Variants in ACSF3 observed in about 807,000 individuals in gnomAD.
ACSF3 encodes the protein malonate--CoA ligase ACSF3, mitochondrial.
In ACSF3, 78 loss-of-function variants were observed where a neutral mutation model predicts 53.2. The observed-to-expected ratio is 1.47, with a 90% CI of 1.22 to 1.77. The LOEUF (loss-of-function observed/expected upper bound fraction) is 1.77, where lower values mean the gene tolerates loss of function less well. Ranked by LOEUF, ACSF3 falls within the 40% of genes most tolerant of loss-of-function variation. The pLI is 0.00. For synonymous variants in ACSF3, 414 were observed against 333.1 expected, an observed-to-expected ratio of 1.24 and a Z score of -2.65; for missense variants, 937 against 771.1, an observed-to-expected ratio of 1.22 and a Z score of -2.55.
At chr16:89,132,019 G>A (rs565311810) in intron 7 of ACSF3, among the ~76,000 whole-genome samples, 5 of 152,314 alleles carry the variant, frequency 3.3e-5, no homozygotes, top group Admixed American at 6.5e-5. Flanking sequence ...CGTGGGTGGC[G>A]TCAGCCCCTC....
intron 6 of ACSF3, among the ~76,000 whole-genome samples, chr16:89,117,957 T>C (rs1203207996): frequency 9.1e-6 from 1 of 109,944 alleles, no homozygotes. Flanking sequence ...CACAGTAGGT[T>C]CCCTCAGGCG....
chr16:89,126,081 G>A (rs569346369), intron 7 of ACSF3, among the ~76,000 whole-genome samples: 9 of 152,352 alleles, frequency 5.9e-5, no homozygotes, highest in African/African-American at 2.2e-4. Context: ...ACTTAGATCA[G>A]TGAACATGGT....
chr16:89,102,770 G>C lies in ACSF3; in HGVS notation c.822+11G>C. On this transcript the variant is annotated intron_variant, in intron 4 of 10. Transcript: ENST00000614302. ...TTCAGCCCTCAGCAGGTGAGTTGGG[G>C]TCAGGGCTCTCGGTTGCACCCTCAG... The C allele has an allele frequency of 6.2e-7, 1 of 1,603,388 alleles. No homozygotes were observed. The highest frequency in any genetic ancestry group is 1.1e-5 in the South Asian group (1 of 89,932).
At chr16:89,121,155 G>C (rs368544488) in intron 7 of ACSF3, among the ~76,000 whole-genome samples, 1 of 152,260 alleles carries the variant, frequency 6.6e-6, no homozygotes, top group Non-Finnish European at 1.5e-5. Context: ...AGGGCGGAAC[G>C]CCAAAGGGAC....
At chr16:89,139,113 C>A (rs1202510548) in intron 8 of ACSF3, among the ~76,000 whole-genome samples, 2 of 152,232 alleles carry the variant, frequency 1.3e-5, no homozygotes, top group Non-Finnish European at 2.9e-5. Flanking sequence ...GGCATCTGCA[C>A]TATTGAGACT....
intron 10 of ACSF3, chr16:89,151,016 A>T (rs147003111): frequency 2.3e-6 from 3 of 1,288,576 alleles, no homozygotes; most frequent in Non-Finnish European, 3.0e-6. Flanking sequence ...ACCAAAGGTC[A>T]TGAGTTTTCA....
intron 4 of ACSF3, among the ~76,000 whole-genome samples, chr16:89,111,504 G>A (rs934531800): frequency 3.3e-5 from 5 of 152,230 alleles, no homozygotes; most frequent in South Asian, 2.1e-4. Context: ...TCGGTGCTCC[G>A]TGTGGAACAC....
At chr16:89,107,111 C>T (rs539261523) in intron 4 of ACSF3, among the ~76,000 whole-genome samples, 5 of 152,352 alleles carry the variant, frequency 3.3e-5, no homozygotes, top group African/African-American at 9.6e-5. Flanking sequence ...CTCCTGCCAC[C>T]TCAGAAGCAC....
At position 89,154,157 on chromosome 16, in the gene ACSF3, A is replaced by G. The variant is rs951401822; in HGVS notation, c.1681A>G (p.Met561Val). 2.5e-6 allele frequency: 4 copies of G among 1,613,536 alleles called. No individual in the cohort carries two copies. Among genetic ancestry groups the G allele is most frequent in the East Asian group, 4.5e-5 (2 of 44,870 alleles). Residue 561 changes from methionine (M) to valine (V), a missense_variant, in exon 11 of 11, where the codon ATG becomes GTG. Physicochemically the swap from Met to Val is conservative, Grantham distance 21. Coordinates refer to ENST00000614302, the MANE Select transcript of ACSF3 (RefSeq NM_001243279.3). ...VLVEEIPRNQ[M>V]GKIDKKALIR... ...GGTGGAGGAGATCCCGCGGAACCAGATGGGCAAGATTGACAAGAAGGCGCT... is the reference window on the plus strand; with the variant it reads ...GGTGGAGGAGATCCCGCGGAACCAGGTGGGCAAGATTGACAAGAAGGCGCT...
chr16:89,115,095 C>T (rs1904868916), intron 6 of ACSF3: 1 of 215,324 alleles, frequency 4.6e-6, no homozygotes, highest in South Asian at 7.0e-5. Context: ...GCTGGGGGGC[C>T]ACCCTGCTGC....
At chr16:89,143,972 G>C (rs955913785) in intron 8 of ACSF3, among the ~76,000 whole-genome samples, 2 of 152,218 alleles carry the variant, frequency 1.3e-5, no homozygotes, top group Non-Finnish European at 2.9e-5. Context: ...GGAGTGCAGG[G>C]TATGTGGAAG....
rs767674227 is a variant in ACSF3 at position 89,154,342 on chromosome 16, C to A, written c.*135C>A. ...AAATCAGGTCACGTAGAATCAAGAACTGTTTGGGATGAAATCACCATGTGG... is the reference window on the plus strand; with the variant it reads ...AAATCAGGTCACGTAGAATCAAGAAATGTTTGGGATGAAATCACCATGTGG... On this transcript the variant is annotated 3_prime_UTR_variant, in exon 11 of 11. Transcript: ENST00000614302. The A allele has an allele frequency of 5.9e-6, 5 of 853,100 alleles. No homozygotes were observed. In the South Asian group the frequency reaches 7.1e-5, roughly 12 times the overall value. The allele number at this position is 853,100 out of a possible 1,614,324, so 52.8% of individuals were successfully genotyped here. A position where few individuals can be genotyped will look rare whatever the true frequency, so the allele number is the denominator to read the frequency against.
intron 7 of ACSF3, chr16:89,122,483 C>T (rs748862624): frequency 1.9e-5 from 8 of 414,666 alleles, no homozygotes; most frequent in Non-Finnish European, 3.4e-5. Flanking sequence ...CTGAATACAC[C>T]GGCCCTTCCT....
intron 7 of ACSF3, among the ~76,000 whole-genome samples, chr16:89,132,859 GTTC>G (rs1567726800): frequency 6.6e-6 from 1 of 152,264 alleles, no homozygotes; most frequent in African/African-American, 2.4e-5. Flanking sequence ...GTAGGAGCAC[GTTC>G]TTCTGTGGCT....
intron 6 of ACSF3, among the ~76,000 whole-genome samples, chr16:89,117,226 C>G (rs1209142160): frequency 6.6e-6 from 1 of 152,190 alleles, no homozygotes; most frequent in African/African-American, 2.4e-5. Flanking sequence ...CACAGCATTG[C>G]TTTGTGGGCG....
At chr16:89,095,854 A>G (rs1482311899) in intron 1 of ACSF3, among the ~76,000 whole-genome samples, 1 of 152,192 alleles carries the variant, frequency 6.6e-6, no homozygotes, top group East Asian at 1.9e-4. Flanking sequence ...GTGGGAAGTG[A>G]AGGGCTAGGC....
At chr16:89,122,579 C>T (rs551967893) in intron 7 of ACSF3, 27 of 272,412 alleles carry the variant, frequency 9.9e-5, no homozygotes, top group Admixed American at 4.7e-4. Flanking sequence ...TCTGCAGGGA[C>T]GGGGCTCAGC....
At chr16:89,122,409 C>T (rs891212223) in intron 7 of ACSF3, 6 of 452,376 alleles carry the variant, frequency 1.3e-5, no homozygotes, top group African/African-American at 8.0e-5. Flanking sequence ...ACATGCCTCT[C>T]CTGGGATTCC....
intron 6 of ACSF3, chr16:89,115,038 T>G: frequency 4.4e-6 from 1 of 226,990 alleles, no homozygotes; most frequent in Non-Finnish European, 9.0e-6. Flanking sequence ...GACCCAACCA[T>G]TTGAGCCCTG....
Sources: allele counts gnomAD v4.1 joint callset (sites outside exome capture counted in the v4.1 genomes callset), GRCh38; gene constraint gnomAD v4.1.1; transcripts MANE v1.5; gene names NCBI Gene and HGNC (gene_info 2026-07-23, HGNC 2026-07-21).